ENOX1: variants seen among roughly 807,000 people sequenced by gnomAD.
ENOX1 encodes the protein ecto-NOX disulfide-thiol exchanger 1.
In ENOX1, 42 loss-of-function variants were observed where a neutral mutation model predicts 82.5. The ratio of observed to expected loss-of-function variants is 0.51; its 90% CI spans 0.40 to 0.66. The LOEUF is 0.66. Among genes scored for constraint, ENOX1 ranks in the 30% least tolerant of loss-of-function variants. The pLI, the probability that ENOX1 is intolerant of heterozygous loss-of-function variation, is 0.00. For synonymous variants in ENOX1, 271 were observed against 282.2 expected (o/e 0.96, Z 0.40); for missense variants, 608 against 811.6 (o/e 0.75, Z 3.05).
intron 14 of ENOX1, 88 bp downstream of exon 14, chr13:43,265,310 T>C (rs377717546): frequency 8.8e-7 from 1 of 1,130,208 alleles, no homozygotes; most frequent in East Asian, 2.5e-5. Context: ...GCTTCTGATT[T>C]CCTTTATGTG....
At chr13:43,316,777 A>G (rs1485284340) in intron 11 of ENOX1, among the ~76,000 whole-genome samples, 2 of 146,938 alleles carry the variant, frequency 1.4e-5, no homozygotes, top group African/African-American at 2.4e-5. Flanking sequence ...ATTAAAAGAA[A>G]AAAAAAAAAA....
At chr13:43,766,673 A>G (rs187263723) in intron 1 of ENOX1, among the ~76,000 whole-genome samples, 2 of 152,328 alleles carry the variant, frequency 1.3e-5, no homozygotes, top group East Asian at 1.9e-4. Flanking sequence ...TTCAAGTCCC[A>G]ATGTTCCCAT....
rs1566305598 is a variant in ENOX1 at position 43,470,287 on chromosome 13, T to TATATACAC, written c.-75+13721_-75+13722insGTGTATAT. Among the ~76,000 whole-genome samples the TATATACAC allele has an allele frequency of 8.5e-4, 57 of 67,242 alleles. 3 individuals are homozygous for TATATACAC. The highest frequency in any genetic ancestry group is 1.7e-3 in the Non-Finnish European group (49 of 29,326). The allele number at this position is 67,242 out of a possible 152,430, so 44.1% of individuals were successfully genotyped here. ...ATATATATACACATATATATACATA[T>TATATACAC]ATATATACACATATATATACATATA... On this transcript the variant is annotated intron_variant, in intron 3 of 16. Transcript: ENST00000690772.
intron 1 of ENOX1, among the ~76,000 whole-genome samples, chr13:43,714,759 T>C (rs1417045659): frequency 1.3e-5 from 2 of 152,212 alleles, no homozygotes; most frequent in Non-Finnish European, 1.5e-5. Context: ...TTGTTTTCCA[T>C]TGGCTTGGTA....
intron 2 of ENOX1, among the ~76,000 whole-genome samples, chr13:43,640,195 G>A (rs556797233): frequency 6.6e-6 from 1 of 152,216 alleles, no homozygotes; most frequent in East Asian, 1.9e-4. Flanking sequence ...TAATCTTTGA[G>A]TAGTTGAAAC....
chr13:43,387,581 T>A (rs1234146982), intron 5 of ENOX1, among the ~76,000 whole-genome samples: 1 of 152,064 alleles, frequency 6.6e-6, no homozygotes, highest in Non-Finnish European at 1.5e-5. Context: ...CTATTGACTT[T>A]CTGCTTGAAC....
intron 2 of ENOX1, among the ~76,000 whole-genome samples, chr13:43,574,189 C>T (rs376609929): frequency 1.6e-4 from 24 of 152,124 alleles, no homozygotes; most frequent in African/African-American, 3.1e-4. Flanking sequence ...ATCTTCAAGG[C>T]TAATGCTGCA....
intron 1 of ENOX1, among the ~76,000 whole-genome samples, chr13:43,673,345 G>A (rs553675066): frequency 2.8e-4 from 42 of 152,204 alleles, no homozygotes; most frequent in African/African-American, 9.9e-4. Context: ...GACTCACCCA[G>A]AGGATCCACT....
At chr13:43,475,615 C>T (rs1032638883) in intron 3 of ENOX1, among the ~76,000 whole-genome samples, 1 of 151,968 alleles carries the variant, frequency 6.6e-6, no homozygotes, top group Non-Finnish European at 1.5e-5. Flanking sequence ...AGATCATTTA[C>T]AGCCTAATAA....
intron 2 of ENOX1, among the ~76,000 whole-genome samples, chr13:43,516,711 G>A (rs1384273707): frequency 5.9e-5 from 9 of 152,310 alleles, no homozygotes; most frequent in Admixed American, 2.6e-4. Context: ...TCTCAGTGGT[G>A]TAGTAAATCA....
intron 3 of ENOX1, among the ~76,000 whole-genome samples, chr13:43,465,244 GAAGA>G (rs2057667594): frequency 6.6e-6 from 1 of 152,100 alleles, no homozygotes; most frequent in African/African-American, 2.4e-5. Flanking sequence ...AATTCTTTTA[GAAGA>G]AAGACTCTAT....
chr13:43,461,768 A>G (rs2057496174), intron 3 of ENOX1, among the ~76,000 whole-genome samples: 1 of 152,238 alleles, frequency 6.6e-6, no homozygotes, highest in African/African-American at 2.4e-5. Context: ...TACCAAAGTT[A>G]AGTATGTATA....
intron 2 of ENOX1, among the ~76,000 whole-genome samples, chr13:43,635,480 T>C (rs2083379038): frequency 6.6e-6 from 1 of 152,174 alleles, no homozygotes; most frequent in African/African-American, 2.4e-5. Flanking sequence ...AAATATAATA[T>C]AAAAAGAATA....
At chr13:43,452,890 TG>T (rs2057041327) in intron 3 of ENOX1, among the ~76,000 whole-genome samples, 1 of 152,214 alleles carries the variant, frequency 6.6e-6, no homozygotes, top group South Asian at 2.1e-4. Context: ...GCTGGGCTTT[TG>T]TTATTGCCAC....
chr13:43,417,378 G>A (rs1298695403), intron 3 of ENOX1, among the ~76,000 whole-genome samples: 1 of 152,170 alleles, frequency 6.6e-6, no homozygotes, highest in Non-Finnish European at 1.5e-5. Context: ...ATAGTCTCAA[G>A]GCTGCCGTGA....
chr13:43,417,709 A>T (rs2054710234), intron 3 of ENOX1, among the ~76,000 whole-genome samples: 1 of 152,220 alleles, frequency 6.6e-6, no homozygotes. Flanking sequence ...TGAATACAGT[A>T]GGTGATAATT....
intron 1 of ENOX1, among the ~76,000 whole-genome samples, chr13:43,679,854 C>T (rs1032662557): frequency 6.6e-6 from 1 of 152,158 alleles, no homozygotes; most frequent in Admixed American, 6.6e-5. Context: ...GAAACAAATG[C>T]CCAAAAGATT....
chr13:43,240,234 A>T (rs990231292), intron 14 of ENOX1, among the ~76,000 whole-genome samples: 2 of 152,230 alleles, frequency 1.3e-5, no homozygotes, highest in Non-Finnish European at 2.9e-5. Context: ...CATGCCTACT[A>T]TATGCCAAGA....
chr13:43,562,440 T>G (rs2079724398), intron 2 of ENOX1, among the ~76,000 whole-genome samples: 1 of 152,098 alleles, frequency 6.6e-6, no homozygotes, highest in Non-Finnish European at 1.5e-5. Context: ...TCGCCTTCAT[T>G]AAAAGGAAGA....
Sources: gnomAD v4.1 joint callset for allele counts (sites outside exome capture counted in the v4.1 genomes callset) on GRCh38, gnomAD v4.1.1 for gene constraint, MANE v1.5 for transcripts, NCBI Gene and HGNC (gene_info 2026-07-23, HGNC 2026-07-21) for gene names.